Variants in UFD1 observed in about 807,000 individuals in gnomAD.
UFD1 encodes ubiquitin recognition factor in ER associated degradation 1.
A neutral mutation model predicts 45.9 loss-of-function variants in UFD1; 13 were observed. That is an observed-to-expected ratio of 0.28 (90% CI 0.18 to 0.45). The LOEUF (loss-of-function observed/expected upper bound fraction) is 0.45, where lower values mean the gene tolerates loss of function less well. UFD1 is among the 20% of genes least tolerant of loss of function. The probability of loss-of-function intolerance (pLI) is 1.00; values close to 1 mark genes in which losing one functional copy is unlikely to be tolerated. For missense variants in UFD1, 218 were observed against 389.2 expected, an observed-to-expected ratio of 0.56 and a Z score of 3.70; for synonymous variants, 128 against 139.2, an observed-to-expected ratio of 0.92 and a Z score of 0.56.
rs2089812325 is a variant in UFD1 at position 19,467,587 on chromosome 22, G to A, written c.422+286C>T. 2.6e-5 allele frequency: 9 copies of A among 350,280 alleles called. 1 individual carries two copies. In the South Asian group the frequency reaches 2.7e-4, roughly 10 times the overall value. 21.7% of individuals were successfully genotyped at this position (350,280 alleles called of 1,614,324 possible). ...TCCCTCCTTCCACTGGACATACTGT[G>A]CATCCTGGCTTTGTGCCAGGTGACA... On this transcript the variant is annotated intron_variant, in intron 5 of 11. Transcript: ENST00000263202.
At chr22:19,452,284 CTCT>C (rs1277529043) in intron 11 of UFD1, 1 of 152,174 alleles carries the variant, frequency 6.6e-6, no homozygotes. Context: ...TCCAAATTTC[CTCT>C]TCTTAAAAGG....
chr22:19,475,718 T>C lies in UFD1; in HGVS notation c.4-116A>G, dbSNP rs1483738604. 4.8e-6 allele frequency: 6 copies of C among 1,248,074 alleles called. No homozygotes were observed. In the Admixed American group the frequency reaches 7.8e-5, roughly 16 times the overall value. 77.3% of individuals were successfully genotyped at this position (1,248,074 alleles called of 1,614,324 possible). A position where few individuals can be genotyped will look rare whatever the true frequency, so the allele number is the denominator to read the frequency against. On this transcript the variant is annotated intron_variant, in intron 1 of 11. Transcript: ENST00000263202. ...AACATTGTCAGAGAACACAATGTAC[T>C]GAAATCTTCAATGTAATCTTACTAA...
At chr22:19,473,775 C>T (rs1002250359) in intron 3 of UFD1, among the ~76,000 whole-genome samples, 1 of 152,300 alleles carries the variant, frequency 6.6e-6, no homozygotes. Context: ...AAGAAGAGGA[C>T]ATTGAGGTTC....
Position 19,475,534 on chromosome 22 carries a change from G to C in UFD1, c.72C>G (p.Arg24=). The change falls in exon 2 of 12, where the codon CGC becomes CGG. Residue 24 remains arginine, a synonymous_variant. Coordinates refer to ENST00000263202, the MANE Select transcript of UFD1 (RefSeq NM_005659.7). ...VFQNRFSTQY[R]CFSVSMLAGP... ...CTGCTAGCATGGACACAGAGAAGCAGCGGTACTGTGTGGAGAAGCGGTTTT... is the reference window on the plus strand; with the variant it reads ...CTGCTAGCATGGACACAGAGAAGCACCGGTACTGTGTGGAGAAGCGGTTTT... 1 of 1,614,220 alleles carries C rather than the reference G, an allele frequency of 6.2e-7. No homozygotes were observed. The highest frequency in any genetic ancestry group is 1.1e-5 in the South Asian group (1 of 91,084).
intron 6 of UFD1, among the ~76,000 whole-genome samples, chr22:19,464,552 T>C (rs764675962): frequency 9.2e-5 from 14 of 152,256 alleles, no homozygotes; most frequent in South Asian, 4.1e-4. Flanking sequence ...ACTTTACAGT[T>C]AAATTGTCTA....
Position 19,471,150 on chromosome 22 carries a change from A to G in UFD1, c.291+537T>C, listed in dbSNP as rs541953420. 8.4e-6 allele frequency: 4 copies of G among 478,812 alleles called. No homozygotes were observed. In the East Asian group the frequency reaches 2.5e-4, roughly 29 times the overall value. The allele number at this position is 478,812 out of a possible 1,614,324, so 29.7% of individuals were successfully genotyped here. A position where few individuals can be genotyped will look rare whatever the true frequency, so the allele number is the denominator to read the frequency against. On this transcript the variant is annotated intron_variant, in intron 4 of 11. Transcript: ENST00000263202. The stretch of plus-strand genomic sequence containing the variant: ...CCTTGAGGGCAGGCTCTGGTGGCTC[A>G]CACGCCCTGGATATCCCAGCCCAGA...
chr22:19,450,673 G>A lies in UFD1; in HGVS notation c.921C>T (p.Pro307=). The A allele has an allele frequency of 6.2e-7, 1 of 1,614,146 alleles. No individual in the cohort carries two copies. Among genetic ancestry groups the A allele is most frequent in the Non-Finnish European group, 8.5e-7 (1 of 1,180,028 alleles). Residue 307 remains proline, a synonymous_variant, in exon 12 of 12, where the codon CCC becomes CCT. Transcript: ENST00000263202. ...CCAATCAGCCAACAGTCCTCACTTA[G>A]GGCTTTCTTCCCTTTTTACGCAATG... ...GQSLRKKGRK[P] is the part of the protein sequence containing the mutation.
rs574312066 is a variant in UFD1 at position 19,471,297 on chromosome 22, A to G, written c.291+390T>C. ...GACTACGTCAGAGGTAACTGAAAAC[A>G]TGTATGCTGTGACAGACTACTAAAA... On this transcript the variant is annotated intron_variant, in intron 4 of 11. Transcript: ENST00000263202. 11 of 529,978 alleles carry G rather than the reference A, an allele frequency of 2.1e-5. No individual in the cohort carries two copies. In the African/African-American group the frequency reaches 2.1e-4, roughly 10 times the overall value. 32.8% of individuals were successfully genotyped at this position (529,978 alleles called of 1,614,324 possible).
intron 1 of UFD1, among the ~76,000 whole-genome samples, chr22:19,477,403 G>A (rs2089890507): frequency 6.6e-6 from 1 of 152,212 alleles, no homozygotes; most frequent in African/African-American, 2.4e-5. Flanking sequence ...GATGAACCTT[G>A]AGGATATCAT....
At chr22:19,469,383 C>T (rs1235886986) in intron 4 of UFD1, among the ~76,000 whole-genome samples, 7 of 152,066 alleles carry the variant, frequency 4.6e-5, no homozygotes. Context: ...AGGACACTGC[C>T]ATAGGTGATG....
chr22:19,466,130 AC>A, intron 5 of UFD1: 1 of 152,242 alleles, frequency 6.6e-6, no homozygotes. Context: ...GCTTTCCAGA[AC>A]CAGAGCAACT....
At position 19,450,583 on chromosome 22, in the gene UFD1, G is replaced by C; in HGVS notation, c.*87C>G. The C allele has an allele frequency of 6.6e-7, 1 of 1,517,482 alleles. No homozygotes were observed. The highest frequency in any genetic ancestry group is 9.1e-7 in the Non-Finnish European group (1 of 1,096,724). The allele number at this position is 1,517,482 out of a possible 1,614,324, so 94.0% of individuals were successfully genotyped here. On this transcript the variant is annotated 3_prime_UTR_variant, in exon 12 of 12. Coordinates refer to ENST00000263202, the MANE Select transcript of UFD1 (RefSeq NM_005659.7). ...TAAGTAACAGAGTATTCTCTGATGA[G>C]GCTCGTCCCTGTCAGTGCCAGTAAC...
intron 7 of UFD1, 162 bp from the exon 8 acceptor site, chr22:19,457,080 C>A (rs1056428735): frequency 3.2e-6 from 2 of 626,050 alleles, no homozygotes; most frequent in Admixed American, 2.7e-5. Flanking sequence ...TAGCATCTTA[C>A]AAAATTACAG....
At chr22:19,475,640 G>A (rs2089876051) in intron 1 of UFD1, 38 bp from the exon 2 acceptor site, 1 of 1,611,492 alleles carries the variant, frequency 6.2e-7, no homozygotes, top group East Asian at 2.2e-5. Flanking sequence ...TAAAACAAAG[G>A]TACATTTCTT....
At chr22:19,457,391 C>T (rs991765985) in intron 7 of UFD1, among the ~76,000 whole-genome samples, 3 of 152,180 alleles carry the variant, frequency 2.0e-5, no homozygotes, top group African/African-American at 7.2e-5. Context: ...TGTTATATAA[C>T]GAAGTAACTT....
intron 6 of UFD1, among the ~76,000 whole-genome samples, chr22:19,459,560 A>G (rs775776017): frequency 6.6e-6 from 1 of 152,088 alleles, no homozygotes; most frequent in Non-Finnish European, 1.5e-5. Context: ...GCTTGCAGTA[A>G]GCTGAGATCG....
chr22:19,451,261 C>CA, intron 11 of UFD1: 1 of 985,716 alleles, frequency 1.0e-6, no homozygotes, highest in Non-Finnish European at 1.2e-6. Context: ...AGTATACTCC[C>CA]AAGGCTACAG....
At chr22:19,479,009 G>T in intron 1 of UFD1, 74 bp downstream of exon 1, 1 of 721,748 alleles carries the variant, frequency 1.4e-6, no homozygotes, top group Admixed American at 2.6e-5. Flanking sequence ...GTCCCGCCCC[G>T]CCCTGCCCCG....
At chr22:19,460,310 T>A (rs1041965721) in intron 6 of UFD1, among the ~76,000 whole-genome samples, 1 of 152,128 alleles carries the variant, frequency 6.6e-6, no homozygotes, top group African/African-American at 2.4e-5. Flanking sequence ...GTTTTCATGT[T>A]TTCAAAAGGC....
Sources: gnomAD v4.1 joint callset for allele counts (sites outside exome capture counted in the v4.1 genomes callset) on GRCh38, gnomAD v4.1.1 for gene constraint, MANE v1.5 for transcripts, NCBI Gene and HGNC (gene_info 2026-07-23, HGNC 2026-07-21) for gene names.